Variants in DGKB observed in about 807,000 individuals in gnomAD.
DGKB encodes 90 kDa diacylglycerol kinase.
In DGKB, 67 loss-of-function variants were observed where a neutral mutation model predicts 114.3. The observed-to-expected ratio is 0.59, with a 90% confidence interval of 0.48 to 0.72. The LOEUF is 0.72. DGKB is among the 30% of genes least tolerant of loss of function. The pLI, the probability that DGKB is intolerant of heterozygous loss-of-function variation, is 0.00. For synonymous variants in DGKB, 398 were observed against 323.1 expected, an observed-to-expected ratio of 1.23 and a Z score of -2.49; for missense variants, 907 against 975.2, an observed-to-expected ratio of 0.93 and a Z score of 0.93.
chr7:14,817,675 T>C (rs969913732), intron 2 of DGKB, among the ~76,000 whole-genome samples: 4 of 152,164 alleles, frequency 2.6e-5, no homozygotes, highest in Admixed American at 2.6e-4. Context: ...CATACATTTT[T>C]CCTTCTTGCC....
chr7:14,162,797 A>T (rs1226783500), intron 25 of DGKB, among the ~76,000 whole-genome samples: 1 of 152,208 alleles, frequency 6.6e-6, no homozygotes. Context: ...ATGACAAGAA[A>T]AAAATCTTTA....
intron 23 of DGKB, among the ~76,000 whole-genome samples, chr7:14,199,864 T>C (rs1052088959): frequency 1.3e-5 from 2 of 152,056 alleles, no homozygotes; most frequent in Non-Finnish European, 2.9e-5. Context: ...TATTTGTTAT[T>C]TAGCAAATAC....
At chr7:14,252,179 T>A (rs1304990971) in intron 23 of DGKB, among the ~76,000 whole-genome samples, 1 of 152,116 alleles carries the variant, frequency 6.6e-6, no homozygotes, top group Non-Finnish European at 1.5e-5. Context: ...TTCTTTCAGG[T>A]TTTTTATTCT....
intron 20 of DGKB, among the ~76,000 whole-genome samples, chr7:14,486,965 A>G (rs1345634600): frequency 6.6e-6 from 1 of 152,232 alleles, no homozygotes; most frequent in African/African-American, 2.4e-5. Flanking sequence ...GATTTAATTT[A>G]ACTGAAGTAA....
intron 2 of DGKB, among the ~76,000 whole-genome samples, chr7:14,778,099 G>A (rs1339862595): frequency 6.6e-6 from 1 of 152,186 alleles, no homozygotes; most frequent in East Asian, 1.9e-4. Flanking sequence ...TTGCATTGTA[G>A]TAGAGTGATT....
chr7:14,201,332 A>G (rs1040377038), intron 23 of DGKB, among the ~76,000 whole-genome samples: 1 of 151,978 alleles, frequency 6.6e-6, no homozygotes, highest in Non-Finnish European at 1.5e-5. Context: ...ATTTCAATAT[A>G]TGAATTTTGG....
intron 13 of DGKB, among the ~76,000 whole-genome samples, chr7:14,633,870 T>A (rs1250598076): frequency 6.6e-6 from 1 of 151,770 alleles, no homozygotes; most frequent in African/African-American, 2.4e-5. Flanking sequence ...ACTCATTAAG[T>A]TCAATTTAAT....
In DGKB at chr7:14,147,942, G is replaced by A. The variant is rs1307688840; in HGVS notation, c.*1189C>T. The A allele has an allele frequency of 6.6e-6, 1 of 152,144 alleles. No individual in the cohort carries two copies. The highest frequency in any genetic ancestry group is 1.5e-5 in the Non-Finnish European group (1 of 68,014). 9.4% of individuals were successfully genotyped at this position (152,144 alleles called of 1,614,324 possible). ...TGTCATAAAGATGGGAGTGGAGTAG[G>A]TGAGGAGGAGGGAGCTAATTGCATG... On this transcript the variant is annotated 3_prime_UTR_variant, in exon 26 of 26. Coordinates refer to ENST00000402815, the MANE Select transcript of DGKB (RefSeq NM_001350709.2).
At chr7:14,689,888 G>C (rs952033557) in intron 9 of DGKB, among the ~76,000 whole-genome samples, 6 of 152,088 alleles carry the variant, frequency 3.9e-5, no homozygotes, top group Admixed American at 3.3e-4. Context: ...ACTTTACTGA[G>C]AGTCAAGAAA....
intron 21 of DGKB, among the ~76,000 whole-genome samples, chr7:14,353,661 C>G (rs1434456114): frequency 1.3e-5 from 2 of 152,150 alleles, no homozygotes; most frequent in Non-Finnish European, 2.9e-5. Flanking sequence ...ACACTCAAAA[C>G]ATAACTCACT....
At chr7:14,853,570 C>A (rs1849685423) in intron 1 of DGKB, among the ~76,000 whole-genome samples, 1 of 151,770 alleles carries the variant, frequency 6.6e-6, no homozygotes, top group African/African-American at 2.4e-5. Flanking sequence ...TATAATTATT[C>A]TTTAAAATTT....
intron 21 of DGKB, among the ~76,000 whole-genome samples, chr7:14,393,126 A>T (rs930412221): frequency 7.3e-5 from 11 of 151,072 alleles, no homozygotes; most frequent in Admixed American, 6.6e-4. Context: ...CGTAGCTGGG[A>T]CTACAGGCGC....
At chr7:14,167,904 G>T (rs912939952) in intron 25 of DGKB, among the ~76,000 whole-genome samples, 3 of 152,042 alleles carry the variant, frequency 2.0e-5, no homozygotes, top group Non-Finnish European at 4.4e-5. Context: ...AAACTGTTCA[G>T]AATATAATAA....
chr7:14,922,129 A>G (rs893199193), intron 1 of DGKB, among the ~76,000 whole-genome samples: 2 of 143,174 alleles, frequency 1.4e-5, no homozygotes, highest in Non-Finnish European at 3.2e-5. Context: ...GTTCATAAAT[A>G]TTGATGTAGA....
chr7:14,471,980 G>C (rs1449786716), intron 21 of DGKB, among the ~76,000 whole-genome samples: 2 of 152,076 alleles, frequency 1.3e-5, no homozygotes, highest in East Asian at 3.9e-4. Flanking sequence ...CCAAAAATTA[G>C]AGACCAGATA....
intron 1 of DGKB, among the ~76,000 whole-genome samples, chr7:14,852,487 C>CAAAAAAAAAAAAAA: frequency 4.2e-4 from 27 of 63,562 alleles, no homozygotes; most frequent in South Asian, 5.8e-4. Context: ...TAGTGAAAGT[C>CAAAAAAAAAAAAAA]AAAAAAAAAA....
At chr7:14,768,232 T>C (rs894124588) in intron 2 of DGKB, among the ~76,000 whole-genome samples, 1 of 151,994 alleles carries the variant, frequency 6.6e-6, no homozygotes, top group Non-Finnish European at 1.5e-5. Flanking sequence ...CTCATCTTTA[T>C]GGTATGTCCG....
chr7:14,455,668 T>A (rs1038727006), intron 21 of DGKB, among the ~76,000 whole-genome samples: 3 of 152,056 alleles, frequency 2.0e-5, no homozygotes, highest in African/African-American at 7.2e-5. Flanking sequence ...TTCTCCACTC[T>A]ATTAAAAGTA....
rs760567470 is a variant in DGKB at position 14,611,881 on chromosome 7, C to G, written c.1358+1459G>C. On this transcript the variant is annotated intron_variant, in intron 16 of 25. Transcript: ENST00000402815. ...TTCAAACTTCAATATTCTGTAATTT[C>G]CAATGTGGATTTAAGTCTCATCTAA... Among the ~76,000 whole-genome samples the G allele has an allele frequency of 4.5e-4, 68 of 151,386 alleles. 1 individual carries two copies. Among genetic ancestry groups the G allele is most frequent in the Non-Finnish European group, 4.4e-5 (3 of 67,848 alleles).
Sources: gnomAD v4.1 joint callset for allele counts (sites outside exome capture counted in the v4.1 genomes callset) on GRCh38, gnomAD v4.1.1 for gene constraint, MANE v1.5 for transcripts, NCBI Gene and HGNC (gene_info 2026-07-23, HGNC 2026-07-21) for gene names.